The following MCTP2 variants were observed in gnomAD, a reference collection of about 807,000 sequenced individuals.
The protein encoded by MCTP2 is multiple C2 and transmembrane domain-containing protein 2.
Under a neutral mutation model 111.6 loss-of-function variants are expected in MCTP2, and 132 were observed. That is an observed-to-expected ratio of 1.18 (90% CI 1.03 to 1.37). The LOEUF (loss-of-function observed/expected upper bound fraction) is 1.37, where lower values mean the gene tolerates loss of function less well. Among genes scored for constraint, MCTP2 ranks in the 40% most tolerant of loss-of-function variants. The pLI, the probability that MCTP2 is intolerant of heterozygous loss-of-function variation, is 0.00. For missense variants in MCTP2, 1,183 were observed against 1,067.9 expected, an observed-to-expected ratio of 1.11 and a Z score of -1.50; for synonymous variants, 395 against 387.7, an observed-to-expected ratio of 1.02 and a Z score of -0.22.
Position 94,440,151 on chromosome 15 carries a change from G to T in MCTP2, c.2086-25G>T, listed in dbSNP as rs746410291. On this transcript the variant is annotated intron_variant, in intron 17 of 22. Coordinates refer to ENST00000357742, the MANE Select transcript of MCTP2 (RefSeq NM_001385001.1). ...CCCTAGTGTTTTATCAAGCAGTCGT[G>T]TATTCTTATTTGTCTTTCAATCAGG... 4 of 1,612,626 alleles carry T rather than the reference G, an allele frequency of 2.5e-6. No individual in the cohort carries two copies. The African/African-American group carries it at 5.3e-5, about 22-fold the overall frequency.
intron 20 of MCTP2, among the ~76,000 whole-genome samples, chr15:94,468,056 T>TCGC (rs2073552011): frequency 2.6e-5 from 4 of 151,468 alleles, no homozygotes; most frequent in Non-Finnish European, 2.9e-5. Context: ...TGCGAAAGTT[T>TCGC]ATAATTTTTA....
intron 12 of MCTP2, among the ~76,000 whole-genome samples, chr15:94,380,261 G>A (rs1292945763): frequency 1.3e-5 from 2 of 152,112 alleles, no homozygotes; most frequent in Admixed American, 6.6e-5. Context: ...GGATATAAGA[G>A]TAGTAACAGC....
intron 20 of MCTP2, among the ~76,000 whole-genome samples, chr15:94,465,049 T>C (rs575684488): frequency 7.1e-4 from 108 of 152,244 alleles, no homozygotes; most frequent in African/African-American, 2.5e-3. Context: ...GTGTTTAAAC[T>C]TCACTGTCGT....
intron 17 of MCTP2, among the ~76,000 whole-genome samples, chr15:94,437,231 A>T (rs2083530353): frequency 2.0e-5 from 3 of 151,596 alleles, no homozygotes; most frequent in Admixed American, 1.3e-4. Context: ...AGGTGAAGGA[A>T]AATCGTCATG....
chr15:94,360,627 A>T (rs1195964302), intron 10 of MCTP2, among the ~76,000 whole-genome samples: 1 of 152,214 alleles, frequency 6.6e-6, no homozygotes, highest in Non-Finnish European at 1.5e-5. Flanking sequence ...CCTGCATTTC[A>T]CAAGTCATTG....
intron 20 of MCTP2, among the ~76,000 whole-genome samples, chr15:94,470,089 G>A (rs957048198): frequency 2.0e-5 from 3 of 152,110 alleles, no homozygotes; most frequent in African/African-American, 7.2e-5. Context: ...TGGGTTCCAG[G>A]GAGGTAAAGT....
intron 17 of MCTP2, among the ~76,000 whole-genome samples, chr15:94,428,408 C>T (rs1030605906): frequency 6.6e-6 from 1 of 152,156 alleles, no homozygotes; most frequent in Non-Finnish European, 1.5e-5. Context: ...TTCTCTCTAG[C>T]TGCTTTTAAG....
chr15:94,237,316 C>T (rs2070638134), intron 1 of MCTP2, among the ~76,000 whole-genome samples: 1 of 152,144 alleles, frequency 6.6e-6, no homozygotes, highest in African/African-American at 2.4e-5. Flanking sequence ...GATGAATCCT[C>T]CACTCTCTTT....
At chr15:94,402,327 T>A (rs1296226543) in intron 17 of MCTP2, 16 of 985,308 alleles carry the variant, frequency 1.6e-5, no homozygotes, top group Non-Finnish European at 1.8e-5. Flanking sequence ...GCCCATAATT[T>A]CTGAAAAATG....
At chr15:94,346,925 C>T (rs984542721) in intron 8 of MCTP2, among the ~76,000 whole-genome samples, 2 of 151,878 alleles carry the variant, frequency 1.3e-5, no homozygotes, top group Non-Finnish European at 2.9e-5. Flanking sequence ...GCTTTTTTCC[C>T]ATCATGGTAG....
At chr15:94,411,401 G>A (rs953230315) in intron 17 of MCTP2, among the ~76,000 whole-genome samples, 8 of 151,492 alleles carry the variant, frequency 5.3e-5, no homozygotes, top group African/African-American at 9.7e-5. Flanking sequence ...GCATGTGCTC[G>A]CCATTGTCTG....
chr15:94,280,518 C>T (rs1313659993), intron 1 of MCTP2, among the ~76,000 whole-genome samples: 1 of 149,378 alleles, frequency 6.7e-6, no homozygotes, highest in East Asian at 2.0e-4. Context: ...TCATTAGTCT[C>T]ACTACCAATC....
chr15:94,365,425 T>A (rs1196471725), intron 10 of MCTP2, among the ~76,000 whole-genome samples: 1 of 152,178 alleles, frequency 6.6e-6, no homozygotes, highest in Non-Finnish European at 1.5e-5. Flanking sequence ...CAGAAATGAG[T>A]GAAAAGCTTG....
intron 17 of MCTP2, among the ~76,000 whole-genome samples, chr15:94,438,430 A>G (rs1246558614): frequency 2.0e-5 from 3 of 152,144 alleles, no homozygotes; most frequent in Non-Finnish European, 4.4e-5. Flanking sequence ...CAAAAAGAAC[A>G]CGAGCGTCTA....
chr15:94,267,548 ATC>A (rs1408666126), intron 1 of MCTP2, among the ~76,000 whole-genome samples: 1 of 152,038 alleles, frequency 6.6e-6, no homozygotes. Context: ...TGGTGTGGAG[ATC>A]TCTTTTAATT....
At chr15:94,382,737 C>T (rs530459356) in intron 12 of MCTP2, among the ~76,000 whole-genome samples, 4 of 152,380 alleles carry the variant, frequency 2.6e-5, no homozygotes, top group South Asian at 2.1e-4. Flanking sequence ...GCCTGGGACT[C>T]CTTGGCCATT....
chr15:94,328,364 G>A (rs754409303), intron 4 of MCTP2, among the ~76,000 whole-genome samples: 39 of 151,908 alleles, frequency 2.6e-4, no homozygotes, highest in African/African-American at 6.5e-4. Context: ...TCCTGACCTC[G>A]TGATCCACCC....
At chr15:94,477,949 A>G (rs2074503134) in intron 22 of MCTP2, among the ~76,000 whole-genome samples, 1 of 152,224 alleles carries the variant, frequency 6.6e-6, no homozygotes, top group Non-Finnish European at 1.5e-5. Context: ...CACCTTCGCA[A>G]AACACCATAA....
chr15:94,387,580 G>C (rs543754545), intron 14 of MCTP2, among the ~76,000 whole-genome samples: 5 of 152,166 alleles, frequency 3.3e-5, no homozygotes, highest in African/African-American at 1.2e-4. Flanking sequence ...TTGTTCATTC[G>C]TTTGTTCCAC....
Sources: allele counts gnomAD v4.1 joint callset (sites outside exome capture counted in the v4.1 genomes callset), GRCh38; gene constraint gnomAD v4.1.1; transcripts MANE v1.5; gene names NCBI Gene and HGNC (gene_info 2026-07-23, HGNC 2026-07-21).